EPB41L4B: variants seen among roughly 807,000 people sequenced by gnomAD.
EPB41L4B encodes the protein erythrocyte membrane protein band 4.1 like 4B, also known as band 4.1-like protein 4B.
A neutral mutation model predicts 112.5 loss-of-function variants in EPB41L4B; 30 were observed. The observed-to-expected ratio is 0.27, with a 90% confidence interval of 0.20 to 0.36. The LOEUF is 0.36. EPB41L4B is among the 10% of genes least tolerant of loss of function. The pLI is 1.00. For missense variants in EPB41L4B, 1,024 were observed against 1,133.3 expected (o/e 0.90, Z 1.38); for synonymous variants, 408 against 439.7 (o/e 0.93, Z 0.90).
chr9:109,243,705 G>C (rs1834435848), intron 14 of EPB41L4B, 23 bp from the exon 15 acceptor site: 2 of 1,610,520 alleles, frequency 1.2e-6, no homozygotes, highest in African/African-American at 1.3e-5. Context: ...CACCAAACTT[G>C]ATTATTTGAT....
chr9:109,200,406 G>T, intron 19 of EPB41L4B, 72 bp from the exon 20 acceptor site: 1 of 1,192,264 alleles, frequency 8.4e-7, no homozygotes, highest in Non-Finnish European at 1.2e-6. Context: ...CATAGGGACT[G>T]CTTTCTCAGT....
At chr9:109,206,151 T>C (rs1049354125) in intron 18 of EPB41L4B, among the ~76,000 whole-genome samples, 3 of 152,184 alleles carry the variant, frequency 2.0e-5, no homozygotes, top group African/African-American at 7.2e-5. Flanking sequence ...GTTTTTAAAA[T>C]TTATTTCTTA....
chr9:109,239,887 C>T (rs1291707836), intron 15 of EPB41L4B: 2 of 985,366 alleles, frequency 2.0e-6, no homozygotes, highest in Non-Finnish European at 2.4e-6. Flanking sequence ...AATCCCACTG[C>T]CACCACTTCT....
At chr9:109,302,911 T>G (rs1292826053) in intron 1 of EPB41L4B, among the ~76,000 whole-genome samples, 1 of 152,010 alleles carries the variant, frequency 6.6e-6, no homozygotes, top group African/African-American at 2.4e-5. Flanking sequence ...TAAGCTTACA[T>G]TTTATCACAA....
intron 21 of EPB41L4B, 87 bp from the exon 22 acceptor site, chr9:109,192,442 C>T: frequency 1.0e-6 from 1 of 957,712 alleles, no homozygotes; most frequent in South Asian, 1.6e-5. Flanking sequence ...AGGTTCCCAG[C>T]CTCTCCTCTA....
At chr9:109,313,017 G>A (rs1477946266) in intron 1 of EPB41L4B, among the ~76,000 whole-genome samples, 1 of 152,010 alleles carries the variant, frequency 6.6e-6, no homozygotes, top group African/African-American at 2.4e-5. Flanking sequence ...GCAGTGGGAG[G>A]ATCTCCTGAG....
chr9:109,183,697 G>A (rs762348306), intron 23 of EPB41L4B, among the ~76,000 whole-genome samples: 6 of 152,180 alleles, frequency 3.9e-5, no homozygotes, highest in African/African-American at 7.2e-5. Context: ...CACACCTGCT[G>A]GTGAATGCAT....
intron 17 of EPB41L4B, among the ~76,000 whole-genome samples, chr9:109,213,169 C>A (rs527339380): frequency 2.0e-5 from 3 of 152,212 alleles, no homozygotes; most frequent in African/African-American, 7.2e-5. Context: ...AACTAAATGG[C>A]AGACTGAATC....
chr9:109,185,055 G>T (rs1832205652), intron 23 of EPB41L4B, among the ~76,000 whole-genome samples: 1 of 152,138 alleles, frequency 6.6e-6, no homozygotes, highest in Non-Finnish European at 1.5e-5. Flanking sequence ...TGCTAAATTG[G>T]GATGACAGGT....
intron 14 of EPB41L4B, among the ~76,000 whole-genome samples, chr9:109,247,393 G>C (rs1834600155): frequency 6.6e-6 from 1 of 152,090 alleles, no homozygotes; most frequent in Non-Finnish European, 1.5e-5. Context: ...CCCATCTCAA[G>C]GGACTCATGT....
At chr9:109,268,312 C>T (rs1032106082) in intron 3 of EPB41L4B, 79 bp downstream of exon 3, 10 of 1,308,312 alleles carry the variant, frequency 7.6e-6, no homozygotes, top group Non-Finnish European at 1.1e-5. Flanking sequence ...CTAATGAAAA[C>T]ATAACACCTC....
chr9:109,224,871 G>C (rs1301565721), intron 15 of EPB41L4B, among the ~76,000 whole-genome samples: 1 of 152,142 alleles, frequency 6.6e-6, no homozygotes, highest in Non-Finnish European at 1.5e-5. Context: ...GCTCGCTATG[G>C]GGAGGGAGGT....
intron 11 of EPB41L4B, among the ~76,000 whole-genome samples, chr9:109,254,965 C>T (rs191754510): frequency 6.6e-5 from 10 of 152,350 alleles, no homozygotes; most frequent in Admixed American, 5.9e-4. Flanking sequence ...TGAATCTCCG[C>T]TCTACCACTT....
chr9:109,243,580 G>A (rs1382054981), intron 15 of EPB41L4B, 38 bp downstream of exon 15: 4 of 1,601,990 alleles, frequency 2.5e-6, no homozygotes, highest in African/African-American at 2.7e-5. Flanking sequence ...AGAAAGGAAA[G>A]CTTTCGAAGG....
At chr9:109,319,031 T>C (rs1360280033) in intron 1 of EPB41L4B, among the ~76,000 whole-genome samples, 1 of 152,226 alleles carries the variant, frequency 6.6e-6, no homozygotes, top group Non-Finnish European at 1.5e-5. Context: ...AGTCCGGGTA[T>C]GTTATTTCTT....
intron 15 of EPB41L4B, among the ~76,000 whole-genome samples, chr9:109,228,284 G>A (rs1329655268): frequency 1.3e-5 from 2 of 152,090 alleles, no homozygotes; most frequent in Admixed American, 6.6e-5. Flanking sequence ...AGTCAACACT[G>A]CTTCCTTTAC....
chr9:109,239,810 C>G (rs1020430526), intron 15 of EPB41L4B: 1 of 984,890 alleles, frequency 1.0e-6, no homozygotes, highest in African/African-American at 1.7e-5. Context: ...GGTTTGGATG[C>G]CTTCCTGCCA....
Position 109,176,563 on chromosome 9 carries a change from G to T in EPB41L4B, c.2621C>A (p.Ser874Tyr), listed in dbSNP as rs1164477188. The change falls in exon 25 of 26, where the codon TCT becomes TAT. Residue 874 changes from serine to tyrosine, a missense_variant. Ser to Tyr is a moderately radical substitution (Grantham distance 144). Transcript: ENST00000374566. ...QTIYTTRKPV[S>Y]LAASAETLRQ... Reference sequence around the variant, plus strand: ...TGACCTGACCTACCTGGCTGCCAGAGAAACAGGTTTCCGGGTGGTGTAAAT... The same window carrying T: ...TGACCTGACCTACCTGGCTGCCAGATAAACAGGTTTCCGGGTGGTGTAAAT... The T allele has an allele frequency of 6.2e-7, 1 of 1,606,460 alleles. No individual in the cohort carries two copies. The highest frequency in any genetic ancestry group is 1.3e-5 in the African/African-American group (1 of 74,660).
At chr9:109,204,111 C>T (rs1391294297) in intron 18 of EPB41L4B, among the ~76,000 whole-genome samples, 1 of 152,212 alleles carries the variant, frequency 6.6e-6, no homozygotes, top group Non-Finnish European at 1.5e-5. Flanking sequence ...ATAGCACTTA[C>T]AGTTTACAAA....
Sources: allele counts gnomAD v4.1 joint callset (sites outside exome capture counted in the v4.1 genomes callset), GRCh38; gene constraint gnomAD v4.1.1; transcripts MANE v1.5; gene names NCBI Gene and HGNC (gene_info 2026-07-23, HGNC 2026-07-21).